RTKN2: variants seen among roughly 807,000 people sequenced by gnomAD.
RTKN2 encodes rhotekin 2.
In RTKN2, 69 loss-of-function variants were observed where a neutral mutation model predicts 71.5. That is an observed-to-expected ratio of 0.96 (90% CI 0.79 to 1.18). The LOEUF is 1.18. RTKN2 is among the 50% of genes most tolerant of loss of function. RTKN2 has a pLI of 0.00. For synonymous variants in RTKN2, 236 were observed against 236.5 expected, an observed-to-expected ratio of 1.00 and a Z score of 0.02; for missense variants, 724 against 719.7, an observed-to-expected ratio of 1.01 and a Z score of -0.07.
In RTKN2 at chr10:62,193,371, TC is replaced by T; in HGVS notation, c.*4536del. Reference sequence around the variant, plus strand: ...TTCCATAAGATCTGGAATGATCTTTTCTAATTATTAAACGTGTCAGCATTAG... The same window carrying T: ...TTCCATAAGATCTGGAATGATCTTTTTAATTATTAAACGTGTCAGCATTAG... On this transcript the variant is annotated 3_prime_UTR_variant, in exon 12 of 12. Coordinates refer to ENST00000373789, the MANE Select transcript of RTKN2 (RefSeq NM_145307.4). The T allele has an allele frequency of 1.0e-6, 1 of 981,934 alleles. No homozygotes were observed. Among genetic ancestry groups the T allele is most frequent in the South Asian group, 4.7e-5 (1 of 21,224 alleles). 60.8% of individuals were successfully genotyped at this position (981,934 alleles called of 1,614,324 possible).
chr10:62,253,993 G>A (rs1392303145), intron 2 of RTKN2, among the ~76,000 whole-genome samples: 2 of 152,110 alleles, frequency 1.3e-5, no homozygotes, highest in African/African-American at 2.4e-5. Flanking sequence ...GGTGGGAACC[G>A]TGACAAGAGC....
At chr10:62,246,468 A>G (rs1842481003) in intron 2 of RTKN2, among the ~76,000 whole-genome samples, 2 of 152,032 alleles carry the variant, frequency 1.3e-5, no homozygotes, top group Admixed American at 1.3e-4. Flanking sequence ...CTTCCCAATC[A>G]TGCAATTTAC....
intron 1 of RTKN2, among the ~76,000 whole-genome samples, chr10:62,265,324 G>A (rs1027065603): frequency 6.6e-6 from 1 of 152,138 alleles, no homozygotes; most frequent in Non-Finnish European, 1.5e-5. Context: ...TAAGCTACAA[G>A]GGCAGAGTTG....
In RTKN2 at chr10:62,198,004, A is replaced by G. The variant is rs965107201; in HGVS notation, c.1734T>C (p.Thr578=). Residue 578 remains threonine (T), a synonymous_variant, in exon 12 of 12, where the codon ACT becomes ACC. Transcript: ENST00000373789. ...NRLSDGEHTD[T]KTNFEAKPVP... Reference sequence around the variant, plus strand: ...CTGGCTTGGCTTCAAAATTGGTTTTAGTGTCTGTGTGCTCACCATCACTTA... The same window carrying G: ...CTGGCTTGGCTTCAAAATTGGTTTTGGTGTCTGTGTGCTCACCATCACTTA... 3 of 1,613,846 alleles carry G rather than the reference A, an allele frequency of 1.9e-6. No individual in the cohort carries two copies. The highest frequency in any genetic ancestry group is 1.3e-5 in the African/African-American group (1 of 74,904).
intron 3 of RTKN2, among the ~76,000 whole-genome samples, chr10:62,244,234 A>G (rs964998439): frequency 4.6e-5 from 7 of 152,192 alleles, no homozygotes; most frequent in African/African-American, 1.7e-4. Flanking sequence ...ACAAACACAT[A>G]CAAGATATAA....
intron 9 of RTKN2, among the ~76,000 whole-genome samples, chr10:62,216,170 G>A (rs1165954114): frequency 6.6e-6 from 1 of 151,822 alleles, no homozygotes; most frequent in Non-Finnish European, 1.5e-5. Flanking sequence ...TGGTACCCAC[G>A]CGTTTTCAGG....
Position 62,223,250 on chromosome 10 carries a change from TAGAC to T in RTKN2, c.765_768del (p.Ser256LeufsTer21). On this transcript the variant is annotated frameshift_variant, in exon 7 of 12. Transcript: ENST00000373789. LOFTEE classifies it high-confidence loss of function. ...ATACTGTACTTACCATTTCCATTAA[TAGAC>T]AGATTATGGGTCTTGAAACTATCCT... 6.3e-7 allele frequency: 1 copy of T among 1,593,418 alleles called. No homozygotes were observed. The highest frequency in any genetic ancestry group is 2.2e-5 in the East Asian group (1 of 44,694).
chr10:62,194,947 T>A lies in RTKN2; in HGVS notation c.*2961A>T, dbSNP rs912036930. ...GGCACTGCAGACAGTTAAGGAGGAT[T>A]TAACAAAACTCAGCAAGAGTTGGCA... On this transcript the variant is annotated 3_prime_UTR_variant, in exon 12 of 12. Coordinates refer to ENST00000373789, the MANE Select transcript of RTKN2 (RefSeq NM_145307.4). The A allele has an allele frequency of 8.1e-6, 8 of 985,270 alleles. No individual in the cohort carries two copies. In the African/African-American group the frequency reaches 1.4e-4, roughly 17 times the overall value. The allele number at this position is 985,270 out of a possible 1,614,324, so 61.0% of individuals were successfully genotyped here.
At chr10:62,214,951 G>T in intron 9 of RTKN2, 1 of 646,076 alleles carries the variant, frequency 1.5e-6, no homozygotes, top group Non-Finnish European at 2.6e-6. Context: ...AGTTCTATCT[G>T]ATCTCTGAGA....
At chr10:62,246,371 G>T (rs1437026413) in intron 2 of RTKN2, among the ~76,000 whole-genome samples, 2 of 151,964 alleles carry the variant, frequency 1.3e-5, no homozygotes, top group Non-Finnish European at 2.9e-5. Context: ...ATTTGTCCAT[G>T]TCCCCAGAAG....
chr10:62,191,481 A>T (rs918048186), downstream of RTKN2, among the ~76,000 whole-genome samples: 4 of 152,222 alleles, frequency 2.6e-5, no homozygotes, highest in Non-Finnish European at 5.9e-5. Context: ...ACAGCACTTA[A>T]AATGAGATGC....
intron 7 of RTKN2, among the ~76,000 whole-genome samples, chr10:62,219,598 G>A (rs1841860239): frequency 6.6e-6 from 1 of 151,854 alleles, no homozygotes; most frequent in East Asian, 1.9e-4. Context: ...ATACATTTTG[G>A]GGTACAGACT....
At chr10:62,211,588 T>C (rs917660897) in intron 9 of RTKN2, among the ~76,000 whole-genome samples, 27 of 152,240 alleles carry the variant, frequency 1.8e-4, no homozygotes, top group Non-Finnish European at 7.3e-5. Flanking sequence ...CTCTGATTTG[T>C]ATTTAATGTT....
At chr10:62,252,770 A>G (rs1842605214) in intron 2 of RTKN2, among the ~76,000 whole-genome samples, 1 of 152,026 alleles carries the variant, frequency 6.6e-6, no homozygotes, top group Admixed American at 6.6e-5. Flanking sequence ...AGGCTAGGTA[A>G]ATTAAGAAGA....
intron 5 of RTKN2, among the ~76,000 whole-genome samples, chr10:62,236,557 G>A (rs1275922835): frequency 2.0e-5 from 3 of 152,012 alleles, no homozygotes; most frequent in Non-Finnish European, 2.9e-5. Context: ...ACTACTACAT[G>A]ATCCAGCAGT....
At chr10:62,224,276 G>A (rs940660864) in intron 6 of RTKN2, among the ~76,000 whole-genome samples, 17 of 151,940 alleles carry the variant, frequency 1.1e-4, no homozygotes, top group Admixed American at 1.0e-3. Context: ...GGTGATGCTT[G>A]TACAACATGA....
chr10:62,254,967 T>A (rs894131967), intron 2 of RTKN2, among the ~76,000 whole-genome samples: 2 of 152,006 alleles, frequency 1.3e-5, no homozygotes, highest in African/African-American at 4.8e-5. Context: ...AGACCCTGTC[T>A]CTAAAAAAAT....
chr10:62,194,046 T>C lies in RTKN2; in HGVS notation c.*3862A>G. ...GTACAGAAGTTTCAATTACATGACTTGGGCTCGCTTACCAAATACCTTTGG... is the reference window on the plus strand; with the variant it reads ...GTACAGAAGTTTCAATTACATGACTCGGGCTCGCTTACCAAATACCTTTGG... On this transcript the variant is annotated 3_prime_UTR_variant, in exon 12 of 12. Transcript: ENST00000373789. 4.1e-6 allele frequency: 4 copies of C among 982,942 alleles called. No individual in the cohort carries two copies. Among genetic ancestry groups the C allele is most frequent in the Non-Finnish European group, 4.8e-6 (4 of 827,642 alleles). The allele number at this position is 982,942 out of a possible 1,614,324, so 60.9% of individuals were successfully genotyped here. A position where few individuals can be genotyped will look rare whatever the true frequency, so the allele number is the denominator to read the frequency against.
At chr10:62,219,401 T>A (rs1257525230) in intron 7 of RTKN2, among the ~76,000 whole-genome samples, 1 of 152,112 alleles carries the variant, frequency 6.6e-6, no homozygotes, top group Non-Finnish European at 1.5e-5. Flanking sequence ...TTAAAAAGCA[T>A]GATAATTAAA....
Sources: allele counts gnomAD v4.1 joint callset (sites outside exome capture counted in the v4.1 genomes callset), GRCh38; gene constraint gnomAD v4.1.1; transcripts MANE v1.5; gene names NCBI Gene and HGNC (gene_info 2026-07-23, HGNC 2026-07-21).